FMN2: variants seen among roughly 807,000 people sequenced by gnomAD.
FMN2 encodes formin 2, also known as formin-2.
FMN2 carries 51 observed loss-of-function variants against 142.3 expected under a neutral mutation model. The ratio of observed to expected loss-of-function variants is 0.36; its 90% CI spans 0.29 to 0.45. The LOEUF (loss-of-function observed/expected upper bound fraction) is 0.45. FMN2 is among the 20% of genes least tolerant of loss of function. The pLI is 1.00. For synonymous variants in FMN2, 882 were observed against 869.8 expected, an observed-to-expected ratio of 1.01 and a Z score of -0.25; for missense variants, 1,936 against 2,122.8, an observed-to-expected ratio of 0.91 and a Z score of 1.73.
intron 6 of FMN2, among the ~76,000 whole-genome samples, chr1:240,237,497 T>A (rs1667750189): frequency 6.6e-6 from 1 of 152,214 alleles, no homozygotes; most frequent in Non-Finnish European, 1.5e-5. Context: ...TCAGTATCTT[T>A]CCCTTCTCTG....
chr1:240,259,093 G>A (rs1668540779), intron 7 of FMN2, among the ~76,000 whole-genome samples: 1 of 152,168 alleles, frequency 6.6e-6, no homozygotes, highest in African/African-American at 2.4e-5. Context: ...TGATGGGGAG[G>A]AGACTTCCTC....
At chr1:240,348,734 C>A (rs1442773119) in intron 13 of FMN2, among the ~76,000 whole-genome samples, 1 of 152,120 alleles carries the variant, frequency 6.6e-6, no homozygotes, top group Non-Finnish European at 1.5e-5. Context: ...CTAAATATTT[C>A]TTGTGTCTGT....
intron 2 of FMN2, among the ~76,000 whole-genome samples, chr1:240,158,281 C>G (rs960661626): frequency 6.6e-6 from 1 of 152,154 alleles, no homozygotes; most frequent in South Asian, 2.1e-4. Flanking sequence ...TTGTGTATTA[C>G]AGGAAAGCTT....
Position 240,267,828 on chromosome 1 carries a change from C to T in FMN2, c.4153+9796C>T, listed in dbSNP as rs147898522. Among the ~76,000 whole-genome samples the T allele has an allele frequency of 8.2e-3, 1,242 of 151,972 alleles. 18 individuals are homozygous for T. The highest frequency in any genetic ancestry group is 0.029 in the African/African-American group (1,195 of 41,486). ...GAGCTATACATACATTTAATAAAGACTAATTTTTAAAGATGGGTAAAAGGT... is the reference window on the plus strand; with the variant it reads ...GAGCTATACATACATTTAATAAAGATTAATTTTTAAAGATGGGTAAAAGGT... On this transcript the variant is annotated intron_variant, in intron 7 of 17. Transcript: ENST00000319653.
intron 14 of FMN2, among the ~76,000 whole-genome samples, chr1:240,380,771 C>CA (rs1049956632): frequency 1.9e-4 from 27 of 145,170 alleles, no homozygotes; most frequent in Non-Finnish European, 2.7e-4. Flanking sequence ...AGATTGAGAC[C>CA]AAAAAAAATG....
At chr1:240,282,923 A>G (rs192958648) in intron 7 of FMN2, among the ~76,000 whole-genome samples, 1 of 152,256 alleles carries the variant, frequency 6.6e-6, no homozygotes, top group Non-Finnish European at 1.5e-5. Context: ...TACATTTTGG[A>G]AGTTTTTAAT....
At chr1:240,405,284 A>C (rs888850388) in intron 15 of FMN2, among the ~76,000 whole-genome samples, 2 of 152,194 alleles carry the variant, frequency 1.3e-5, no homozygotes, top group African/African-American at 2.4e-5. Flanking sequence ...TTTTTAAAAA[A>C]ATAGAAAGTA....
chr1:240,092,336 C>A lies in FMN2; in HGVS notation c.227C>A (p.Ser76Tyr). Reference protein sequence around the residue: ...SKSDSRASVFSNLRIRKNLSK... With the variant: ...SKSDSRASVFYNLRIRKNLSK... ...TCCGACTCCAGAGCCTCGGTGTTTTCCAACCTGCGGATCAGGAAGAATCTG... is the reference window on the plus strand; with the variant it reads ...TCCGACTCCAGAGCCTCGGTGTTTTACAACCTGCGGATCAGGAAGAATCTG... The change falls in exon 1 of 18, where the codon TCC (serine) becomes TAC (tyrosine). Residue 76 changes from serine (S) to tyrosine (Y), a missense_variant. Ser to Tyr is a moderately radical substitution (Grantham distance 144). This residue lies in a region of FMN2 where 751 missense variants were observed against 791.8 expected (regional missense o/e 0.95). Transcript: ENST00000319653. 6.2e-7 allele frequency: 1 copy of A among 1,608,452 alleles called. No homozygotes were observed. The highest frequency in any genetic ancestry group is 8.5e-7 in the Non-Finnish European group (1 of 1,176,582).
intron 7 of FMN2, among the ~76,000 whole-genome samples, chr1:240,275,474 T>C (rs1041201284): frequency 3.3e-5 from 5 of 152,146 alleles, no homozygotes; most frequent in African/African-American, 1.2e-4. Flanking sequence ...CACATTTTTT[T>C]TTTATCTAGT....
At chr1:240,379,285 C>T (rs1558461748) in intron 14 of FMN2, among the ~76,000 whole-genome samples, 2 of 151,978 alleles carry the variant, frequency 1.3e-5, no homozygotes, top group African/African-American at 2.4e-5. Flanking sequence ...CTTTAGACAT[C>T]GAACATCTTT....
At chr1:240,282,651 G>A (rs1669438061) in intron 7 of FMN2, among the ~76,000 whole-genome samples, 1 of 152,334 alleles carries the variant, frequency 6.6e-6, no homozygotes, top group East Asian at 1.9e-4. Context: ...GCCCACGTTT[G>A]TGTGCATACT....
At chr1:240,388,556 G>A (rs1385113720) in intron 14 of FMN2, among the ~76,000 whole-genome samples, 1 of 151,984 alleles carries the variant, frequency 6.6e-6, no homozygotes, top group Non-Finnish European at 1.5e-5. Context: ...CAGAGATCTG[G>A]GATGCCCTTG....
intron 6 of FMN2, among the ~76,000 whole-genome samples, chr1:240,214,317 C>G (rs756264112): frequency 1.3e-5 from 2 of 151,834 alleles, no homozygotes; most frequent in Non-Finnish European, 2.9e-5. Context: ...TTTCAGAGGC[C>G]GAGGCGGGCG....
intron 7 of FMN2, among the ~76,000 whole-genome samples, chr1:240,262,856 G>C (rs533335861): frequency 1.3e-5 from 2 of 150,598 alleles, no homozygotes; most frequent in Non-Finnish European, 2.9e-5. Flanking sequence ...CGCCTCCCAG[G>C]TTCAAGCAAT....
intron 6 of FMN2, among the ~76,000 whole-genome samples, chr1:240,223,984 C>T (rs2103428214): frequency 6.6e-6 from 1 of 152,246 alleles, no homozygotes; most frequent in African/African-American, 2.4e-5. Flanking sequence ...CTATCTCCTT[C>T]AGTTCTGCTC....
intron 4 of FMN2, among the ~76,000 whole-genome samples, chr1:240,204,876 C>T (rs533983564): frequency 1.3e-5 from 2 of 152,236 alleles, no homozygotes; most frequent in South Asian, 4.1e-4. Flanking sequence ...CTGTCTTGTC[C>T]ATCTGCATTT....
intron 14 of FMN2, among the ~76,000 whole-genome samples, chr1:240,374,389 A>G (rs970887440): frequency 6.6e-6 from 1 of 152,200 alleles, no homozygotes; most frequent in African/African-American, 2.4e-5. Flanking sequence ...AAACTCCTAG[A>G]TGGCATCTGC....
chr1:240,184,677 A>G (rs1392219620), intron 3 of FMN2, among the ~76,000 whole-genome samples: 4 of 151,996 alleles, frequency 2.6e-5, no homozygotes, highest in Non-Finnish European at 5.9e-5. Context: ...GGAGATGATC[A>G]GTCTGTCCTA....
chr1:240,245,444 G>A (rs756509764), intron 6 of FMN2: 3 of 460,852 alleles, frequency 6.5e-6, no homozygotes, highest in African/African-American at 2.0e-5. Context: ...AACTTGATGT[G>A]TGGCTGGATA....
Sources: allele counts gnomAD v4.1 joint callset (sites outside exome capture counted in the v4.1 genomes callset), GRCh38; gene constraint gnomAD v4.1.1; regional missense constraint gnomAD v4.1.1; transcripts MANE v1.5; gene names NCBI Gene and HGNC (gene_info 2026-07-23, HGNC 2026-07-21).